The following ATPSCKMT variants were observed in gnomAD, a reference collection of about 807,000 sequenced individuals.
ATPSCKMT encodes the protein ATP synthase c subunit lysine N-methyltransferase, also known as ATP synthase subunit C lysine N-methyltransferase.
Under a neutral mutation model 24.3 loss-of-function variants are expected in ATPSCKMT, and 24 were observed. The observed-to-expected ratio is 0.99, with a 90% CI of 0.71 to 1.39. The LOEUF (loss-of-function observed/expected upper bound fraction) is 1.39, where lower values mean the gene tolerates loss of function less well. ATPSCKMT is among the 40% of genes most tolerant of loss of function. ATPSCKMT has a pLI of 0.00. For synonymous variants in ATPSCKMT, 95 were observed against 110.5 expected, an observed-to-expected ratio of 0.86 and a Z score of 0.88; for missense variants, 311 against 298.4, an observed-to-expected ratio of 1.04 and a Z score of -0.31.
At chr5:10,240,020 A>AGT in intron 1 of ATPSCKMT, among the ~76,000 whole-genome samples, 1 of 151,910 alleles carries the variant, frequency 6.6e-6, no homozygotes, top group Non-Finnish European at 1.5e-5. Context: ...AGGTCAGGAC[A>AGT]TCGAGACCAT....
chr5:10,249,659 G>T, intron 1 of ATPSCKMT, 199 bp downstream of exon 1: 4 of 826,806 alleles, frequency 4.8e-6, no homozygotes, highest in Non-Finnish European at 3.6e-6. Context: ...CGCGCCCGCC[G>T]ACAAGGATCG....
Position 10,239,258 on chromosome 5 carries a change from A to C in ATPSCKMT, c.115T>G (p.Leu39Val). Reference protein sequence around the residue: ...NSLQKSNWGFLLTGLVGGTLV... With the variant: ...NSLQKSNWGFVLTGLVGGTLV... ...GTGCCACCCACAAGCCCAGTAAGTA[A>C]GAACCCCCAGTTGCTTTTCTGCAAA... is the stretch of plus-strand genomic sequence containing the variant. Residue 39 changes from leucine (L) to valine (V), a missense_variant, in exon 2 of 5, where the codon TTA (leucine) becomes GTA (valine). Physicochemically the swap from Leu to Val is conservative, Grantham distance 32. Coordinates refer to ENST00000511437, the MANE Select transcript of ATPSCKMT (RefSeq NM_199133.4). 6.2e-7 allele frequency: 1 copy of C among 1,614,226 alleles called. No individual in the cohort carries two copies. Among genetic ancestry groups the C allele is most frequent in the East Asian group, 2.2e-5 (1 of 44,890 alleles).
chr5:10,229,304 A>G (rs1300533899), intron 4 of ATPSCKMT, among the ~76,000 whole-genome samples: 2 of 152,162 alleles, frequency 1.3e-5, no homozygotes, highest in Non-Finnish European at 2.9e-5. Flanking sequence ...TTTCGTGACA[A>G]TAACATTCTT....
intron 1 of ATPSCKMT, among the ~76,000 whole-genome samples, chr5:10,249,049 C>T (rs1442994459): frequency 6.6e-6 from 1 of 152,118 alleles, no homozygotes. Context: ...GGGTACATCA[C>T]TTGAGGTCAG....
chr5:10,233,153 C>G (rs1417599547), intron 4 of ATPSCKMT, among the ~76,000 whole-genome samples: 2 of 152,212 alleles, frequency 1.3e-5, no homozygotes, highest in Non-Finnish European at 2.9e-5. Flanking sequence ...CCCTGGCTCT[C>G]TGAGTATCTA....
At chr5:10,232,117 G>C (rs917929208) in intron 4 of ATPSCKMT, among the ~76,000 whole-genome samples, 2 of 152,106 alleles carry the variant, frequency 1.3e-5, no homozygotes. Context: ...ACAGGTGATC[G>C]CTTGAACCCA....
chr5:10,249,859 T>C lies in ATPSCKMT; in HGVS notation c.15A>G (p.Gly5=), dbSNP rs370801277. 1.7e-6 allele frequency: 2 copies of C among 1,198,100 alleles called. No homozygotes were observed. Among genetic ancestry groups the C allele is most frequent in the Middle Eastern group, 3.9e-4 (1 of 2,566 alleles). 74.2% of individuals were successfully genotyped at this position (1,198,100 alleles called of 1,614,324 possible). A position where few individuals can be genotyped will look rare whatever the true frequency, so the allele number is the denominator to read the frequency against. ...CCCGCCAAGCCGCTCCAGCCTCACC[T>C]CCTCCTCCCTCCATCGCGAGATTTC... MEGG[G]GIPLETLKEE... The change falls in exon 1 of 5, where the codon GGA becomes GGG. Residue 5 remains glycine, a splice_region_variant and synonymous_variant. Transcript: ENST00000511437.
At chr5:10,238,953 G>A (rs1184620533) in intron 2 of ATPSCKMT, 114 bp downstream of exon 2, 4 of 1,267,868 alleles carry the variant, frequency 3.2e-6, no homozygotes, top group African/African-American at 3.0e-5. Flanking sequence ...AAAATGAAAT[G>A]AGCACTCTTT....
intron 2 of ATPSCKMT, among the ~76,000 whole-genome samples, chr5:10,238,577 C>G (rs80156066): frequency 0.035 from 5,400 of 152,252 alleles, 145 homozygotes; most frequent in African/African-American, 0.071. Flanking sequence ...TGCCCAACTG[C>G]GGTCAAGTGA....
chr5:10,246,057 T>C (rs910717021), intron 1 of ATPSCKMT, among the ~76,000 whole-genome samples: 5 of 152,138 alleles, frequency 3.3e-5, no homozygotes, highest in African/African-American at 1.2e-4. Flanking sequence ...AAACCCCTTA[T>C]CCTTTAGCTA....
intron 4 of ATPSCKMT, among the ~76,000 whole-genome samples, chr5:10,230,980 C>T (rs946445654): frequency 3.2e-4 from 46 of 144,288 alleles, no homozygotes; most frequent in South Asian, 4.5e-4. Flanking sequence ...CCCTCTGGCC[C>T]GAACCCCAGA....
At chr5:10,232,676 G>GA (rs956186245) in intron 4 of ATPSCKMT, among the ~76,000 whole-genome samples, 38 of 152,262 alleles carry the variant, frequency 2.5e-4, no homozygotes, top group African/African-American at 8.9e-4. Context: ...CAGGCTCTGG[G>GA]AAGAGCAGCA....
intron 4 of ATPSCKMT, among the ~76,000 whole-genome samples, chr5:10,233,876 G>A (rs11133604): frequency 0.4 from 61,233 of 152,046 alleles, 13,369 homozygotes; most frequent in Non-Finnish European, 0.49. Flanking sequence ...TCAAAATTGC[G>A]TATCAATCTA....
At chr5:10,249,795 C>T (rs1021974172) in intron 1 of ATPSCKMT, 63 bp downstream of exon 1, 3 of 1,529,592 alleles carry the variant, frequency 2.0e-6, no homozygotes, top group Non-Finnish European at 2.6e-6. Context: ...TGACCGCGAG[C>T]CCCCGGCCCG....
chr5:10,235,346 G>T, intron 3 of ATPSCKMT, 85 bp from the exon 4 acceptor site: 2 of 1,213,396 alleles, frequency 1.6e-6, no homozygotes, highest in Non-Finnish European at 2.4e-6. Context: ...ATGGGTAGCA[G>T]TTTTCCATTT....
chr5:10,243,067 T>C (rs1290351830), intron 1 of ATPSCKMT, among the ~76,000 whole-genome samples: 8 of 152,230 alleles, frequency 5.3e-5, no homozygotes, highest in Non-Finnish European at 1.2e-4. Flanking sequence ...CCAGTAAGCA[T>C]TGGCTTCAAC....
rs1214615179 is a variant in ATPSCKMT at position 10,240,872 on chromosome 5, G to A, written c.17-1516C>T. ...TAGCCGGGCGTGGTGGTGCATGCTT[G>A]TAGTCCCCAGCTACTAGGGAGGCTG... On this transcript the variant is annotated intron_variant, in intron 1 of 4. Coordinates refer to ENST00000511437, the MANE Select transcript of ATPSCKMT (RefSeq NM_199133.4). Among the ~76,000 whole-genome samples the A allele has an allele frequency of 2.6e-5, 4 of 151,798 alleles. No homozygotes were observed. The South Asian group carries it at 6.3e-4, about 24-fold the overall frequency.
chr5:10,242,801 A>G lies in ATPSCKMT; in HGVS notation c.17-3445T>C, dbSNP rs551928649. On this transcript the variant is annotated intron_variant, in intron 1 of 4. Coordinates refer to ENST00000511437, the MANE Select transcript of ATPSCKMT (RefSeq NM_199133.4). ...GCTACAAAATGAATGCTGTGTTGAC[A>G]GGCATGAAAACAACATTCATGTCCT... Among the ~76,000 whole-genome samples, 11 of 152,368 alleles carry G rather than the reference A, an allele frequency of 7.2e-5. No individual in the cohort carries two copies. The South Asian group carries it at 2.3e-3, about 32-fold the overall frequency.
intron 3 of ATPSCKMT, chr5:10,236,153 G>A (rs1175799320): frequency 4.6e-6 from 1 of 217,588 alleles, no homozygotes; most frequent in African/African-American, 2.3e-5. Flanking sequence ...AAATGGAAAA[G>A]TCTAATATTT....
Sources: allele counts gnomAD v4.1 joint callset (sites outside exome capture counted in the v4.1 genomes callset), GRCh38; gene constraint gnomAD v4.1.1; transcripts MANE v1.5; gene names NCBI Gene and HGNC (gene_info 2026-07-23, HGNC 2026-07-21).